Variants in AKT3 observed in about 807,000 individuals in gnomAD.
AKT3 encodes the protein AKT serine/threonine kinase 3.
A neutral mutation model predicts 65.3 loss-of-function variants in AKT3; 15 were observed. The observed-to-expected ratio is 0.23, with a 90% CI of 0.15 to 0.35. The LOEUF is 0.35. Among genes scored for constraint, AKT3 ranks in the 10% least tolerant of loss-of-function variants. The pLI is 1.00. For synonymous variants in AKT3, 206 were observed against 183.8 expected (o/e 1.12, Z -0.98); for missense variants, 243 against 576.5 (o/e 0.42, Z 5.92).
At chr1:243,649,795 T>G (rs77030218) in intron 4 of AKT3, among the ~76,000 whole-genome samples, 10,660 of 152,288 alleles carry the variant, frequency 0.07, 505 homozygotes, top group East Asian at 0.17. Context: ...TACCACACTT[T>G]TTTTATCCCG....
intron 8 of AKT3, among the ~76,000 whole-genome samples, chr1:243,602,418 T>C (rs1383548580): frequency 6.6e-6 from 1 of 152,086 alleles, no homozygotes; most frequent in East Asian, 1.9e-4. Context: ...CACCTGACAA[T>C]AAAGATGTTT....
chr1:243,637,568 C>G (rs1224436000), intron 6 of AKT3, 43 bp downstream of exon 6: 12 of 1,543,870 alleles, frequency 7.8e-6, no homozygotes, highest in Non-Finnish European at 1.1e-5. Context: ...CACATGCACA[C>G]TGCAAACAAA....
At chr1:243,630,258 A>G (rs976414897) in intron 6 of AKT3, among the ~76,000 whole-genome samples, 1 of 152,226 alleles carries the variant, frequency 6.6e-6, no homozygotes, top group Admixed American at 6.5e-5. Context: ...GTATCAAGTC[A>G]AAGTCCAAAA....
In AKT3 at chr1:243,590,505, G is replaced by C. The variant is rs1571990385; in HGVS notation, c.697-17457C>G. Among the ~76,000 whole-genome samples the C allele has an allele frequency of 2.6e-5, 4 of 151,690 alleles. No individual in the cohort carries two copies. In the East Asian group the frequency reaches 7.7e-4, roughly 29 times the overall value. On this transcript the variant is annotated intron_variant, in intron 8 of 13. Transcript: ENST00000673466. Reference sequence around the variant, plus strand: ...AAGAAAATATGACCTATAACCAAGAGAAAAATCAGTCATTAGAAACATACC... The same window carrying C: ...AAGAAAATATGACCTATAACCAAGACAAAAATCAGTCATTAGAAACATACC...
intron 12 of AKT3, among the ~76,000 whole-genome samples, chr1:243,522,000 G>A (rs1220567368): frequency 1.3e-5 from 2 of 152,212 alleles, no homozygotes; most frequent in Admixed American, 6.5e-5. Flanking sequence ...GAAGATCTCA[G>A]TTATACCTGG....
chr1:243,748,210 G>A (rs1279746034), intron 2 of AKT3, among the ~76,000 whole-genome samples: 1 of 152,060 alleles, frequency 6.6e-6, no homozygotes, highest in Non-Finnish European at 1.5e-5. Flanking sequence ...ATCCAAAATT[G>A]TTCAGAGTTT....
chr1:243,516,824 C>T lies in AKT3; in HGVS notation c.1252-4398G>A, dbSNP rs148438036. On this transcript the variant is annotated intron_variant, in intron 12 of 13. Coordinates refer to ENST00000673466, the MANE Select transcript of AKT3 (RefSeq NM_005465.7). The stretch of plus-strand genomic sequence containing the variant: ...CTCACTATGTTGTGCAGACTAGTCT[C>T]GAACTCCTCTACCTTGGCCTTCAAA... Among the ~76,000 whole-genome samples the T allele has an allele frequency of 1.5e-3, 226 of 152,260 alleles. 2 individuals are homozygous for T. The highest frequency in any genetic ancestry group is 1.2e-3 in the Non-Finnish European group (83 of 68,018).
chr1:243,678,840 A>G (rs1396054622), intron 3 of AKT3, among the ~76,000 whole-genome samples: 1 of 152,174 alleles, frequency 6.6e-6, no homozygotes, highest in African/African-American at 2.4e-5. Flanking sequence ...AATAACGTTT[A>G]TACACAGTCA....
intron 2 of AKT3, among the ~76,000 whole-genome samples, chr1:243,794,070 C>A (rs899903214): frequency 9.2e-5 from 14 of 152,106 alleles, no homozygotes; most frequent in African/African-American, 3.1e-4. Flanking sequence ...ATTCTGTCAC[C>A]CAGGGTACAG....
At chr1:243,775,354 G>C (rs1047338617) in intron 2 of AKT3, among the ~76,000 whole-genome samples, 1 of 152,062 alleles carries the variant, frequency 6.6e-6, no homozygotes, top group Non-Finnish European at 1.5e-5. Flanking sequence ...CTAATTTTTT[G>C]TATTTTTAGT....
chr1:243,765,506 C>T (rs1406917909), intron 2 of AKT3, among the ~76,000 whole-genome samples: 1 of 151,932 alleles, frequency 6.6e-6, no homozygotes, highest in Non-Finnish European at 1.5e-5. Flanking sequence ...GAGCGAAGAA[C>T]AAAAATCCCT....
At chr1:243,660,697 G>A (rs990312584) in intron 4 of AKT3, among the ~76,000 whole-genome samples, 1 of 152,164 alleles carries the variant, frequency 6.6e-6, no homozygotes, top group African/African-American at 2.4e-5. Context: ...CATAGTGTTG[G>A]AAGTTGTGGC....
intron 2 of AKT3, among the ~76,000 whole-genome samples, chr1:243,804,563 A>G (rs1428551320): frequency 6.6e-6 from 1 of 152,174 alleles, no homozygotes. Flanking sequence ...TACAATATAC[A>G]TGGCCGGATG....
At chr1:243,544,468 C>T (rs1220362194) in intron 12 of AKT3, among the ~76,000 whole-genome samples, 4 of 151,702 alleles carry the variant, frequency 2.6e-5, no homozygotes, top group Non-Finnish European at 4.4e-5. Context: ...GTACCAAAAA[C>T]GTAGGCAGGT....
intron 2 of AKT3, among the ~76,000 whole-genome samples, chr1:243,834,295 A>G (rs1694745093): frequency 6.6e-6 from 1 of 152,228 alleles, no homozygotes; most frequent in Non-Finnish European, 1.5e-5. Context: ...AAAATGTGGT[A>G]CATACACACC....
At chr1:243,648,114 T>C (rs1680982301) in intron 4 of AKT3, among the ~76,000 whole-genome samples, 1 of 151,830 alleles carries the variant, frequency 6.6e-6, no homozygotes, top group Non-Finnish European at 1.5e-5. Flanking sequence ...AAAAATTAGC[T>C]GGATGTGCTG....
intron 3 of AKT3, among the ~76,000 whole-genome samples, chr1:243,670,047 T>G (rs547763152): frequency 6.6e-6 from 1 of 152,346 alleles, no homozygotes. Context: ...ACCATACTAC[T>G]GATCATTCTA....
intron 12 of AKT3, among the ~76,000 whole-genome samples, chr1:243,521,420 G>C (rs1173159724): frequency 6.6e-6 from 1 of 152,154 alleles, no homozygotes; most frequent in Non-Finnish European, 1.5e-5. Context: ...TTCACGCTTT[G>C]TGTATATGTA....
At chr1:243,684,352 C>T (rs955093995) in intron 3 of AKT3, among the ~76,000 whole-genome samples, 19 of 152,020 alleles carry the variant, frequency 1.2e-4, no homozygotes, top group African/African-American at 4.6e-4. Flanking sequence ...GTTCCCCTCC[C>T]TGTGTCCCTG....
Sources: gnomAD v4.1 joint callset for allele counts (sites outside exome capture counted in the v4.1 genomes callset) on GRCh38, gnomAD v4.1.1 for gene constraint, MANE v1.5 for transcripts, NCBI Gene and HGNC (gene_info 2026-07-23, HGNC 2026-07-21) for gene names.